Variants in LTBP1 observed in about 807,000 individuals in gnomAD.
LTBP1 encodes the protein latent-transforming growth factor beta-binding protein 1.
In LTBP1, 129 loss-of-function variants were observed where a neutral mutation model predicts 207.6. The observed-to-expected ratio is 0.62, with a 90% CI of 0.54 to 0.72. LTBP1 has a LOEUF of 0.72. Among genes scored for constraint, LTBP1 ranks in the 30% least tolerant of loss-of-function variants. The pLI, the probability that LTBP1 is intolerant of heterozygous loss-of-function variation, is 0.00. For missense variants in LTBP1, 2,281 were observed against 2,217.2 expected (o/e 1.03, Z -0.58); for synonymous variants, 963 against 833.7 (o/e 1.16, Z -2.67).
intron 3 of LTBP1, among the ~76,000 whole-genome samples, chr2:33,100,804 C>A (rs1216196448): frequency 6.6e-6 from 1 of 152,116 alleles, no homozygotes; most frequent in South Asian, 2.1e-4. Context: ...AGCATTTGTC[C>A]TTTTATGTCT....
At chr2:33,303,824 C>T (rs1470486097) in intron 22 of LTBP1, among the ~76,000 whole-genome samples, 1 of 152,160 alleles carries the variant, frequency 6.6e-6, no homozygotes, top group Non-Finnish European at 1.5e-5. Context: ...CGCCCGGTTC[C>T]TAACAGGCCA....
chr2:33,187,368 C>T (rs1361292184), intron 6 of LTBP1, among the ~76,000 whole-genome samples: 1 of 152,124 alleles, frequency 6.6e-6, no homozygotes, highest in East Asian at 1.9e-4. Flanking sequence ...TGGTACTGTT[C>T]TGACAAGGCC....
At chr2:33,106,905 T>C (rs538057995) in intron 3 of LTBP1, among the ~76,000 whole-genome samples, 1 of 152,336 alleles carries the variant, frequency 6.6e-6, no homozygotes, top group East Asian at 1.9e-4. Flanking sequence ...TCTTCATATA[T>C]AGGCTTTCAA....
intron 22 of LTBP1, among the ~76,000 whole-genome samples, chr2:33,308,901 C>T (rs2094139560): frequency 6.6e-6 from 1 of 152,102 alleles, no homozygotes; most frequent in Non-Finnish European, 1.5e-5. Flanking sequence ...AAGTCTTTAT[C>T]ATCACCAACA....
At chr2:33,301,459 G>C in intron 21 of LTBP1, 63 bp from the exon 22 acceptor site, 1 of 1,501,792 alleles carries the variant, frequency 6.7e-7, no homozygotes, top group South Asian at 1.4e-5. Context: ...ATCCAATTGA[G>C]ACTGATTGAA....
chr2:33,243,634 C>T (rs755730921), intron 9 of LTBP1, 28 bp from the exon 10 acceptor site: 3 of 1,611,408 alleles, frequency 1.9e-6, no homozygotes, highest in African/African-American at 1.3e-5. Flanking sequence ...CTTGACTGCT[C>T]CTTCTAAAGA....
At chr2:33,313,815 C>A (rs1211947640) in intron 23 of LTBP1, among the ~76,000 whole-genome samples, 1 of 152,154 alleles carries the variant, frequency 6.6e-6, no homozygotes, top group Non-Finnish European at 1.5e-5. Flanking sequence ...GAACTCAGAG[C>A]TTTTCAGCTG....
chr2:33,148,335 ATT>A (rs1358643222), intron 5 of LTBP1, among the ~76,000 whole-genome samples: 1 of 152,236 alleles, frequency 6.6e-6, no homozygotes, highest in Non-Finnish European at 1.5e-5. Flanking sequence ...TGTAGCCATC[ATT>A]CTTTCTGATA....
intron 4 of LTBP1, among the ~76,000 whole-genome samples, chr2:33,114,559 C>T (rs218186): frequency 0.49 from 75,173 of 151,880 alleles, 19,899 homozygotes; most frequent in Non-Finnish European, 0.59. Flanking sequence ...CTCAGTGTCC[C>T]CACCAACCCA....
intron 7 of LTBP1, among the ~76,000 whole-genome samples, chr2:33,203,675 A>G (rs530126920): frequency 1.3e-5 from 2 of 152,290 alleles, no homozygotes; most frequent in South Asian, 4.1e-4. Context: ...CATGACGTGG[A>G]ATATCAAATT....
rs1217633475 is a variant in LTBP1 at position 33,328,881 on chromosome 2, A to G, written c.3730+13612A>G. On this transcript the variant is annotated intron_variant, in intron 24 of 33. Coordinates refer to ENST00000404816, the MANE Select transcript of LTBP1 (RefSeq NM_206943.4). The stretch of plus-strand genomic sequence containing the variant: ...TAGTAGTCCATTTATTTTCATTGCT[A>G]TATAGTATTTCATTGTATACTACAT... 4.6e-5 allele frequency among the ~76,000 whole-genome samples: 7 copies of G among 152,150 alleles called. No individual in the cohort carries two copies. In the East Asian group the frequency reaches 9.6e-4, roughly 21 times the overall value.
At chr2:33,065,796 T>C (rs1206142459) in intron 3 of LTBP1, among the ~76,000 whole-genome samples, 2 of 152,230 alleles carry the variant, frequency 1.3e-5, no homozygotes, top group Non-Finnish European at 2.9e-5. Context: ...TTCTTAAATA[T>C]TTGTTAGAAT....
At chr2:33,075,012 C>T (rs531807139) in intron 3 of LTBP1, among the ~76,000 whole-genome samples, 1 of 152,216 alleles carries the variant, frequency 6.6e-6, no homozygotes, top group Non-Finnish European at 1.5e-5. Context: ...GATCACACCA[C>T]TGCACTCCAG....
Position 33,182,148 on chromosome 2 carries a change from C to T in LTBP1, c.1202-4708C>T, listed in dbSNP as rs189083107. Among the ~76,000 whole-genome samples the T allele has an allele frequency of 1.4e-3, 216 of 152,066 alleles. 3 individuals are homozygous for T. Among genetic ancestry groups the T allele is most frequent in the African/African-American group, 5.0e-3 (207 of 41,492 alleles). ...TGGTTGAAATAAGTCAAGCAGAAAC[C>T]ATTTCCTTTATAACCAGAGAGACAC... On this transcript the variant is annotated intron_variant, in intron 5 of 33. Transcript: ENST00000404816.
chr2:33,243,300 T>C (rs2092397799), intron 9 of LTBP1, among the ~76,000 whole-genome samples: 3 of 152,252 alleles, frequency 2.0e-5, no homozygotes, highest in Middle Eastern at 3.2e-3. Flanking sequence ...AATATTCATA[T>C]GTATAGTTAG....
At chr2:33,323,717 C>A (rs1398260122) in intron 24 of LTBP1, among the ~76,000 whole-genome samples, 1 of 152,188 alleles carries the variant, frequency 6.6e-6, no homozygotes, top group Non-Finnish European at 1.5e-5. Context: ...ACGCATTTGG[C>A]AAATGAATCA....
At chr2:33,332,446 C>T (rs570534057) in intron 24 of LTBP1, among the ~76,000 whole-genome samples, 8 of 146,488 alleles carry the variant, frequency 5.5e-5, no homozygotes, top group African/African-American at 2.0e-4. Flanking sequence ...TTAGAAAATT[C>T]TGAGAAATAT....
intron 20 of LTBP1, among the ~76,000 whole-genome samples, chr2:33,300,169 A>G (rs905873972): frequency 3.9e-5 from 6 of 152,188 alleles, no homozygotes; most frequent in African/African-American, 1.4e-4. Context: ...TTGCAGCTCT[A>G]AAATATTTCA....
chr2:33,103,130 G>A (rs111661391), intron 3 of LTBP1, among the ~76,000 whole-genome samples: 270 of 151,776 alleles, frequency 1.8e-3, no homozygotes, highest in African/African-American at 6.4e-3. Flanking sequence ...TGCACTGTCT[G>A]TATGCACAAT....
Sources: allele counts gnomAD v4.1 joint callset (sites outside exome capture counted in the v4.1 genomes callset), GRCh38; gene constraint gnomAD v4.1.1; transcripts MANE v1.5; gene names NCBI Gene and HGNC (gene_info 2026-07-23, HGNC 2026-07-21).